The following CHD1 variants were observed in gnomAD, a reference collection of about 807,000 sequenced individuals.
CHD1 encodes the protein ATP-dependent chromatin remodeler CHD1.
A neutral mutation model predicts 224.2 loss-of-function variants in CHD1; 36 were observed. The observed-to-expected ratio is 0.16, with a 90% CI of 0.12 to 0.21. The LOEUF is 0.21. Ranked by LOEUF, CHD1 falls within the 10% of genes least tolerant of loss-of-function variation. The pLI is 1.00. For missense variants in CHD1, 1,378 were observed against 1,994.8 expected, an observed-to-expected ratio of 0.69 and a Z score of 5.89; for synonymous variants, 668 against 658.3, an observed-to-expected ratio of 1.01 and a Z score of -0.23.
In CHD1 at chr5:98,901,302, T is replaced by A. The variant is rs748659933; in HGVS notation, c.471A>T (p.Pro157=). The A allele has an allele frequency of 6.2e-7, 1 of 1,612,764 alleles. No individual in the cohort carries two copies. Among genetic ancestry groups the A allele is most frequent in the Non-Finnish European group, 8.5e-7 (1 of 1,179,654 alleles). ...EDWQMSGSGS[P]SQSGSDSESE... is the part of the protein sequence containing the mutation. ...ATTCTGAATCTGAACCAGACTGAGA[T>A]GGAGATCCTGACCCAGACATTTGCC... is the stretch of plus-strand genomic sequence containing the variant. The change falls in exon 6 of 36, where the codon CCA becomes CCT. Residue 157 remains proline, a synonymous_variant. Coordinates refer to ENST00000614616, the MANE Select transcript of CHD1 (RefSeq NM_001270.4).
rs548181912 is a variant in CHD1 at position 98,893,666 on chromosome 5, C to T, written c.1801-60G>A. ...AAACGGAATTCAAATTTAGCCTTCC[C>T]ATTTAATCTGAACTCAATTATTAAA... On this transcript the variant is annotated intron_variant, in intron 13 of 35. Transcript: ENST00000614616. 4 of 1,026,736 alleles carry T rather than the reference C, an allele frequency of 3.9e-6. No individual in the cohort carries two copies. In the Middle Eastern group the frequency reaches 9.5e-4, roughly 243 times the overall value. 63.6% of individuals were successfully genotyped at this position (1,026,736 alleles called of 1,614,324 possible).
At chr5:98,890,762 T>C (rs327801) in intron 15 of CHD1, among the ~76,000 whole-genome samples, 8,123 of 152,198 alleles carry the variant, frequency 0.053, 719 homozygotes, top group African/African-American at 0.19. Context: ...TACCAATCTG[T>C]AGGAAATACA....
At chr5:98,905,520 GT>G (rs1751991678) in intron 2 of CHD1, among the ~76,000 whole-genome samples, 1 of 140,300 alleles carries the variant, frequency 7.1e-6, no homozygotes, top group Non-Finnish European at 1.6e-5. Context: ...AAGATTAAAT[GT>G]GTTAAAAAAA....
rs1464954420 is a variant in CHD1, at chr5:98,858,382, T to G, written c.4585A>C (p.Arg1529=). The G allele has an allele frequency of 6.2e-7, 1 of 1,610,528 alleles. No individual in the cohort carries two copies. Among genetic ancestry groups the G allele is most frequent in the South Asian group, 1.1e-5 (1 of 90,756 alleles). The part of the protein sequence containing the change: ...PHVIRNPDVE[R]LKENTNHDDS... The stretch of plus-strand genomic sequence containing the variant: ...TCGTGATTTGTATTCTCTTTTAATC[T>G]TTCCACATCTGTTAGATAAGTACAA... The change falls in exon 35 of 36, where the codon AGA becomes CGA. Residue 1529 remains arginine, a synonymous_variant. Coordinates refer to ENST00000614616, the MANE Select transcript of CHD1 (RefSeq NM_001270.4).
intron 4 of CHD1, among the ~76,000 whole-genome samples, chr5:98,903,467 T>C (rs1243306803): frequency 7.3e-6 from 1 of 137,792 alleles, no homozygotes; most frequent in East Asian, 2.0e-4. Context: ...AATGATATAA[T>C]ATTCCTTCAT....
intron 33 of CHD1, 122 bp downstream of exon 33, chr5:98,859,850 A>G (rs1748329134): frequency 1.8e-6 from 1 of 542,346 alleles, no homozygotes; most frequent in East Asian, 3.2e-5. Flanking sequence ...TGTGGTGTTC[A>G]ATGGTGATTT....
intron 2 of CHD1, among the ~76,000 whole-genome samples, chr5:98,919,587 A>G (rs1752959209): frequency 6.6e-6 from 1 of 152,248 alleles, no homozygotes; most frequent in Non-Finnish European, 1.5e-5. Context: ...GAGTGAATAT[A>G]TAAGCAGATA....
chr5:98,924,271 A>C (rs890657327), intron 2 of CHD1, among the ~76,000 whole-genome samples: 2 of 152,148 alleles, frequency 1.3e-5, no homozygotes, highest in South Asian at 2.1e-4. Flanking sequence ...AAAAGAAAAA[A>C]AAAATTGTGG....
At position 98,903,782 on chromosome 5, in the gene CHD1, G is replaced by A; in HGVS notation, c.372+10C>T. 6.3e-7 allele frequency: 1 copy of A among 1,575,070 alleles called. No homozygotes were observed. The highest frequency in any genetic ancestry group is 8.7e-7 in the Non-Finnish European group (1 of 1,144,636). Reference sequence around the variant, plus strand: ...CACTTTTAAAATAATAGCTCATGATGAAAATGCACCTCTTCTGATCCGCTA... The same window carrying A: ...CACTTTTAAAATAATAGCTCATGATAAAAATGCACCTCTTCTGATCCGCTA... On this transcript the variant is annotated intron_variant, in intron 4 of 35. Transcript: ENST00000614616.
intron 30 of CHD1, 59 bp downstream of exon 30, chr5:98,869,695 A>G (rs1456238112): frequency 3.0e-5 from 48 of 1,574,130 alleles, no homozygotes; most frequent in Non-Finnish European, 4.2e-5. Flanking sequence ...TAAAGTACAC[A>G]AAAACATGCC....
In CHD1 at chr5:98,855,965, G is replaced by A. The variant is rs1396319493; in HGVS notation, c.*415C>T. ...GTCCTTGAGTGTTTTTCTTTATTAA[G>A]AAAGAACTCTCTTTCATTCCTTCCT... On this transcript the variant is annotated 3_prime_UTR_variant, in exon 36 of 36. Coordinates refer to ENST00000614616, the MANE Select transcript of CHD1 (RefSeq NM_001270.4). The A allele has an allele frequency of 6.4e-6, 1 of 156,336 alleles. No homozygotes were observed. Among genetic ancestry groups the A allele is most frequent in the African/African-American group, 2.4e-5 (1 of 41,410 alleles). The allele number at this position is 156,336 out of a possible 1,614,324, so 9.7% of individuals were successfully genotyped here.
At chr5:98,873,066 T>G (rs939842733) in intron 26 of CHD1, among the ~76,000 whole-genome samples, 6 of 152,130 alleles carry the variant, frequency 3.9e-5, no homozygotes, top group African/African-American at 1.2e-4. Context: ...GGGTTCAAGC[T>G]AAACTCCCAT....
chr5:98,874,145 A>G (rs1299687339), intron 25 of CHD1, among the ~76,000 whole-genome samples: 10 of 152,172 alleles, frequency 6.6e-5, no homozygotes, highest in Admixed American at 6.5e-4. Context: ...TTATGCAAGT[A>G]TTTCATTATA....
chr5:98,875,225 C>T, intron 24 of CHD1, 112 bp from the exon 25 acceptor site: 1 of 606,258 alleles, frequency 1.6e-6, no homozygotes, highest in Non-Finnish European at 2.9e-6. Context: ...AAATTCAAGG[C>T]ACTGTTATCT....
chr5:98,920,271 C>A (rs1428775588), intron 2 of CHD1, among the ~76,000 whole-genome samples: 2 of 152,086 alleles, frequency 1.3e-5, no homozygotes, highest in Non-Finnish European at 2.9e-5. Context: ...CCTATCCCAA[C>A]CCTCTTGAAA....
chr5:98,916,697 A>G (rs1752759233), intron 2 of CHD1, among the ~76,000 whole-genome samples: 1 of 152,138 alleles, frequency 6.6e-6, no homozygotes, highest in African/African-American at 2.4e-5. Context: ...GTCTGCATAT[A>G]CCTATGGGTG....
At chr5:98,890,068 A>G (rs1750914388) in intron 15 of CHD1, among the ~76,000 whole-genome samples, 1 of 152,184 alleles carries the variant, frequency 6.6e-6, no homozygotes, top group Non-Finnish European at 1.5e-5. Context: ...AAGGAGGGGA[A>G]CATGGGTTGA....
At chr5:98,900,016 C>A (rs1751591732) in intron 7 of CHD1, among the ~76,000 whole-genome samples, 1 of 152,130 alleles carries the variant, frequency 6.6e-6, no homozygotes, top group Non-Finnish European at 1.5e-5. Flanking sequence ...AGCACGGTGG[C>A]TCACGCCTGT....
chr5:98,876,365 C>T, intron 24 of CHD1, 33 bp downstream of exon 24: 1 of 1,598,242 alleles, frequency 6.3e-7, no homozygotes, highest in South Asian at 1.1e-5. Context: ...TCTACTAAAA[C>T]CAAGTTGAAG....
Sources: gnomAD v4.1 joint callset for allele counts (sites outside exome capture counted in the v4.1 genomes callset) on GRCh38, gnomAD v4.1.1 for gene constraint, MANE v1.5 for transcripts, NCBI Gene and HGNC (gene_info 2026-07-23, HGNC 2026-07-21) for gene names.